FGFR2: variants seen among roughly 807,000 people sequenced by gnomAD.
FGFR2 encodes the protein fibroblast growth factor receptor 2.
A neutral mutation model predicts 95.9 loss-of-function variants in FGFR2; 19 were observed. The ratio of observed to expected loss-of-function variants is 0.20; its 90% CI spans 0.14 to 0.29. The LOEUF (loss-of-function observed/expected upper bound fraction) is 0.29. Among genes scored for constraint, FGFR2 ranks in the 10% least tolerant of loss-of-function variants. The probability of loss-of-function intolerance (pLI) is 1.00; values close to 1 mark genes in which losing one functional copy is unlikely to be tolerated. For synonymous variants in FGFR2, 392 were observed against 393.3 expected, an observed-to-expected ratio of 1.00 and a Z score of 0.04; for missense variants, 707 against 1,056.9, an observed-to-expected ratio of 0.67 and a Z score of 4.59.
Position 121,551,047 on chromosome 10 carries a change from C to T in FGFR2, c.624+243G>A, listed in dbSNP as rs757914986. Among the ~76,000 whole-genome samples, 187 of 152,098 alleles carry T rather than the reference C, an allele frequency of 1.2e-3. 1 individual carries two copies. Among genetic ancestry groups the T allele is most frequent in the African/African-American group, 4.0e-3 (167 of 41,514 alleles). On this transcript the variant is annotated intron_variant, in intron 5 of 17. Coordinates refer to ENST00000358487, the MANE Select transcript of FGFR2 (RefSeq NM_000141.5). Reference sequence around the variant, plus strand: ...CATCCTGGACAACACGGTGAAACCCCGTCTCTGCTACAGATACAAAAAATT... The same window carrying T: ...CATCCTGGACAACACGGTGAAACCCTGTCTCTGCTACAGATACAAAAAATT...
chr10:121,504,071 C>A, intron 9 of FGFR2, 130 bp from the exon 10 acceptor site: 1 of 1,075,570 alleles, frequency 9.3e-7, no homozygotes, highest in Non-Finnish European at 1.4e-6. Context: ...AGTCAGAAAC[C>A]AAATTAGAAA....
rs538398527 is a variant in FGFR2, at chr10:121,597,948, T to C, written c.-151+14A>G. The C allele has an allele frequency of 1.0e-5, 4 of 391,762 alleles. No individual in the cohort carries two copies. The South Asian group carries it at 4.2e-4, about 42-fold the overall frequency. The allele number at this position is 391,762 out of a possible 1,614,324, so 24.3% of individuals were successfully genotyped here. A position where few individuals can be genotyped will look rare whatever the true frequency, so the allele number is the denominator to read the frequency against. On this transcript the variant is annotated intron_variant, in intron 1 of 17. Transcript: ENST00000358487. ...GCTGGCGAAGCTCCCCGAGGCGTCT[T>C]GCGCGGCGATTACCTTGAATGGCAA...
At chr10:121,570,331 G>C (rs1370626072) in intron 2 of FGFR2, among the ~76,000 whole-genome samples, 53 of 152,206 alleles carry the variant, frequency 3.5e-4, no homozygotes, top group Admixed American at 3.5e-3. Context: ...CAGTTGTACT[G>C]ACCTGGCCCC....
At chr10:121,533,768 A>C (rs1564942152) in intron 6 of FGFR2, among the ~76,000 whole-genome samples, 1 of 152,230 alleles carries the variant, frequency 6.6e-6, no homozygotes, top group Non-Finnish European at 1.5e-5. Flanking sequence ...CTTGGAGAGC[A>C]AGGAGCATTC....
Position 121,487,351 on chromosome 10 carries a change from C to T in FGFR2, c.2057+3G>A, listed in dbSNP as rs2133822885. The T allele has an allele frequency of 6.2e-7, 1 of 1,611,950 alleles. No homozygotes were observed. The highest frequency in any genetic ancestry group is 8.5e-7 in the Non-Finnish European group (1 of 1,178,034). On this transcript the variant is annotated splice_donor_region_variant and intron_variant, in intron 15 of 17. Coordinates refer to ENST00000358487, the MANE Select transcript of FGFR2 (RefSeq NM_000141.5). ...AAAAGCCAGAGAAAAGAGAGTTACTCACACATCACTCTGATGAGTGTATAC... is the reference window on the plus strand; with the variant it reads ...AAAAGCCAGAGAAAAGAGAGTTACTTACACATCACTCTGATGAGTGTATAC...
chr10:121,592,664 C>T (rs1352244400), intron 2 of FGFR2, among the ~76,000 whole-genome samples: 1 of 152,046 alleles, frequency 6.6e-6, no homozygotes, highest in African/African-American at 2.4e-5. Context: ...CTGTCCTCTC[C>T]CAGCCTACCC....
chr10:121,548,513 T>G (rs1407421743), intron 5 of FGFR2, among the ~76,000 whole-genome samples: 1 of 152,056 alleles, frequency 6.6e-6, no homozygotes, highest in Non-Finnish European at 1.5e-5. Flanking sequence ...CTGTTAAAAA[T>G]CAGGCAGCAT....
intron 5 of FGFR2, among the ~76,000 whole-genome samples, chr10:121,541,683 C>T (rs750106840): frequency 8.6e-5 from 13 of 152,022 alleles, no homozygotes; most frequent in East Asian, 1.9e-4. Flanking sequence ...ATTAACGATC[C>T]GGGAAATGCA....
intron 13 of FGFR2, among the ~76,000 whole-genome samples, chr10:121,491,127 T>C (rs1420451215): frequency 1.3e-5 from 2 of 152,170 alleles, no homozygotes; most frequent in Non-Finnish European, 2.9e-5. Flanking sequence ...GCTCCAACTA[T>C]GCATTAGGGC....
chr10:121,492,435 A>G (rs556127060), intron 13 of FGFR2, among the ~76,000 whole-genome samples: 5 of 152,032 alleles, frequency 3.3e-5, no homozygotes, highest in Non-Finnish European at 7.4e-5. Flanking sequence ...TACACACACA[A>G]CTGAAAGCTG....
intron 5 of FGFR2, among the ~76,000 whole-genome samples, chr10:121,548,537 C>T (rs1170582522): frequency 6.6e-6 from 1 of 151,832 alleles, no homozygotes; most frequent in Admixed American, 6.6e-5. Flanking sequence ...CTCATTAGGC[C>T]CTCTTAGTCT....
At chr10:121,560,674 T>C (rs1463666428) in intron 4 of FGFR2, among the ~76,000 whole-genome samples, 3 of 150,954 alleles carry the variant, frequency 2.0e-5, no homozygotes. Context: ...TATCAGTGCT[T>C]TTTATTAAAT....
At chr10:121,499,527 C>T (rs906329223) in intron 11 of FGFR2, among the ~76,000 whole-genome samples, 4 of 152,256 alleles carry the variant, frequency 2.6e-5, no homozygotes, top group African/African-American at 9.6e-5. Flanking sequence ...GGACACGCCA[C>T]AATGGCTTGG....
At position 121,498,589 on chromosome 10, in the gene FGFR2, T is replaced by G; in HGVS notation, c.1578A>C (p.Lys526Asn). The change falls in exon 12 of 18, where the codon AAA (lysine) becomes AAC (asparagine). Residue 526 changes from lysine (K) to asparagine (N), a missense_variant. By Grantham distance (94) the Lys-to-Asn change is moderately conservative (BLOSUM62 0). Coordinates refer to ENST00000358487, the MANE Select transcript of FGFR2 (RefSeq NM_000141.5). Reference sequence around the variant, plus strand: ...TCTCTGACACCAGATCAGAAAGGTCTTTCTCTGTGGCATCATCTATGAACA... The same window carrying G: ...TCTCTGACACCAGATCAGAAAGGTCGTTCTCTGTGGCATCATCTATGAACA... ...VKMLKDDATE[K>N]DLSDLVSEME... The G allele has an allele frequency of 6.2e-7, 1 of 1,614,132 alleles. No individual in the cohort carries two copies. Among genetic ancestry groups the G allele is most frequent in the East Asian group, 2.2e-5 (1 of 44,890 alleles).
intron 4 of FGFR2, among the ~76,000 whole-genome samples, chr10:121,562,001 C>G (rs1220514267): frequency 6.6e-6 from 1 of 152,200 alleles, no homozygotes; most frequent in Non-Finnish European, 1.5e-5. Flanking sequence ...CCATTACACA[C>G]CTATCAGAAT....
At chr10:121,560,225 TG>T (rs1324801715) in intron 4 of FGFR2, among the ~76,000 whole-genome samples, 1 of 152,134 alleles carries the variant, frequency 6.6e-6, no homozygotes, top group Non-Finnish European at 1.5e-5. Context: ...ATCGGGTTAT[TG>T]GTGGCATGGA....
At chr10:121,578,846 G>T (rs1394843503) in intron 2 of FGFR2, among the ~76,000 whole-genome samples, 1 of 152,206 alleles carries the variant, frequency 6.6e-6, no homozygotes, top group South Asian at 2.1e-4. Flanking sequence ...GGAGGCAGAG[G>T]TTGCAGTGAG....
intron 4 of FGFR2, among the ~76,000 whole-genome samples, chr10:121,559,527 C>T (rs1379201625): frequency 6.6e-6 from 1 of 152,228 alleles, no homozygotes; most frequent in Non-Finnish European, 1.5e-5. Flanking sequence ...ATGGCAGAGG[C>T]CAAGTAGCCA....
At chr10:121,486,473 C>T (rs1195971730) in intron 15 of FGFR2, among the ~76,000 whole-genome samples, 3 of 152,196 alleles carry the variant, frequency 2.0e-5, no homozygotes, top group African/African-American at 4.8e-5. Context: ...GACAGAGTCT[C>T]GCTCTGTTGC....
Sources: gnomAD v4.1 joint callset for allele counts (sites outside exome capture counted in the v4.1 genomes callset) on GRCh38, gnomAD v4.1.1 for gene constraint, MANE v1.5 for transcripts, NCBI Gene and HGNC (gene_info 2026-07-23, HGNC 2026-07-21) for gene names.